SERPINB5: variants seen among roughly 807,000 people sequenced by gnomAD.
The protein encoded by SERPINB5 is serpin family B member 5.
SERPINB5 carries 27 observed loss-of-function variants against 32.2 expected under a neutral mutation model. The ratio of observed to expected loss-of-function variants is 0.84; its 90% CI spans 0.62 to 1.16. SERPINB5 has a LOEUF of 1.16. SERPINB5 is among the 50% of genes most tolerant of loss of function. The pLI is 0.00. For missense variants in SERPINB5, 388 were observed against 436.3 expected, an observed-to-expected ratio of 0.89 and a Z score of 0.99; for synonymous variants, 154 against 157.4, an observed-to-expected ratio of 0.98 and a Z score of 0.16.
At chr18:63,499,032 TGTGC>T (rs1166218483) in intron 5 of SERPINB5, 84 bp from the exon 6 acceptor site, 5 of 531,596 alleles carry the variant, frequency 9.4e-6, no homozygotes, top group African/African-American at 2.2e-5. Context: ...TGTGTGTGTG[TGTGC>T]GCGCGTGTGT....
At chr18:63,497,240 C>A in intron 5 of SERPINB5, 1 of 837,658 alleles carries the variant, frequency 1.2e-6, no homozygotes, top group Non-Finnish European at 2.0e-6. Context: ...GGTTCAGGGG[C>A]TAGCATTGGA....
At chr18:63,477,968 G>A (rs368243068) in intron 1 of SERPINB5, among the ~76,000 whole-genome samples, 5 of 152,232 alleles carry the variant, frequency 3.3e-5, no homozygotes, top group African/African-American at 1.2e-4. Context: ...CTTGCAGCTC[G>A]GGATGTTTCC....
chr18:63,499,336 A>C, intron 6 of SERPINB5, 49 bp downstream of exon 6: 5 of 1,416,988 alleles, frequency 3.5e-6, no homozygotes, highest in Non-Finnish European at 4.7e-6. Flanking sequence ...TGCCTTGGCA[A>C]AGAGTTGTGC....
intron 5 of SERPINB5, among the ~76,000 whole-genome samples, chr18:63,495,345 T>C (rs952607628): frequency 1.3e-4 from 19 of 149,318 alleles, no homozygotes; most frequent in African/African-American, 4.4e-4. Context: ...TTACCCAGCC[T>C]CTACTGTGAG....
At chr18:63,500,059 G>A (rs933456204) in intron 6 of SERPINB5, among the ~76,000 whole-genome samples, 1 of 151,780 alleles carries the variant, frequency 6.6e-6, no homozygotes, top group Non-Finnish European at 1.5e-5. Context: ...CATTGCCCAG[G>A]CTGGAGTGCA....
At chr18:63,492,595 G>A (rs375534209) in intron 4 of SERPINB5, among the ~76,000 whole-genome samples, 1 of 152,150 alleles carries the variant, frequency 6.6e-6, no homozygotes, top group South Asian at 2.1e-4. Context: ...ACTTATCATC[G>A]CTGAGTCTCA....
At chr18:63,486,117 A>G (rs571080803) in intron 2 of SERPINB5, 2 of 152,330 alleles carry the variant, frequency 1.3e-5, no homozygotes, top group South Asian at 4.1e-4. Flanking sequence ...TTGAATCCAT[A>G]TAATATTTTA....
intron 5 of SERPINB5, among the ~76,000 whole-genome samples, chr18:63,494,321 C>CAAAAAAAA (rs372412366): frequency 4.3e-5 from 2 of 46,674 alleles, no homozygotes; most frequent in Non-Finnish European, 7.7e-5. Flanking sequence ...GACTCCATCT[C>CAAAAAAAA]AAAAAAAAAA....
rs1445164863 is a variant in SERPINB5 at position 63,503,806 on chromosome 18, A to G, written c.*84A>G. 2.1e-6 allele frequency: 3 copies of G among 1,395,610 alleles called. No individual in the cohort carries two copies. Among genetic ancestry groups the G allele is most frequent in the African/African-American group, 2.9e-5 (2 of 69,180 alleles). 86.5% of individuals were successfully genotyped at this position (1,395,610 alleles called of 1,614,324 possible). A position where few individuals can be genotyped will look rare whatever the true frequency, so the allele number is the denominator to read the frequency against. ...CTCTGCATCCAGAGATTCATTTTCT[A>G]GATACAATAAATTGCTAATGTTGCT... On this transcript the variant is annotated 3_prime_UTR_variant, in exon 7 of 7. Transcript: ENST00000382771.
intron 1 of SERPINB5, among the ~76,000 whole-genome samples, chr18:63,479,091 A>C (rs1599385927): frequency 1.3e-5 from 2 of 152,198 alleles, no homozygotes; most frequent in Admixed American, 1.3e-4. Context: ...TGAAAAAACT[A>C]TACTCATAGC....
Position 63,503,616 on chromosome 18 carries a change from T to C in SERPINB5, c.1022T>C (p.Ile341Thr). The C allele has an allele frequency of 6.2e-7, 1 of 1,614,208 alleles. No individual in the cohort carries two copies. Among genetic ancestry groups the C allele is most frequent in the East Asian group, 2.2e-5 (1 of 44,880 alleles). Residue 341 changes from isoleucine to threonine, a missense_variant, in exon 7 of 7, where the codon ATC (isoleucine) becomes ACC (threonine). Ile to Thr is a moderately conservative substitution (Grantham distance 89, BLOSUM62 -1). Coordinates refer to ENST00000382771, the MANE Select transcript of SERPINB5 (RefSeq NM_002639.5). ...GDSIEVPGAR[I>T]LQHKDELNAD... The stretch of plus-strand genomic sequence containing the variant: ...TCCATAGAGGTGCCAGGAGCACGGA[T>C]CCTGCAGCACAAGGATGAATTGAAT...
At chr18:63,500,970 C>T (rs1183067313) in intron 6 of SERPINB5, among the ~76,000 whole-genome samples, 7 of 151,826 alleles carry the variant, frequency 4.6e-5, no homozygotes, top group Admixed American at 6.6e-5. Context: ...TTTTACCTTT[C>T]GTTCTTAAAA....
chr18:63,502,684 A>C (rs1272758934), intron 6 of SERPINB5, among the ~76,000 whole-genome samples: 1 of 152,204 alleles, frequency 6.6e-6, no homozygotes, highest in Non-Finnish European at 1.5e-5. Flanking sequence ...ACTATTGTGT[A>C]TGCAACATCA....
At chr18:63,502,465 A>G (rs560238272) in intron 6 of SERPINB5, among the ~76,000 whole-genome samples, 2 of 152,226 alleles carry the variant, frequency 1.3e-5, no homozygotes, top group Admixed American at 1.3e-4. Context: ...AACAGCTAAA[A>G]TGGATGCATT....
At chr18:63,480,904 G>A (rs60398391) in intron 1 of SERPINB5, among the ~76,000 whole-genome samples, 6,170 of 152,266 alleles carry the variant, frequency 0.041, 363 homozygotes, top group East Asian at 0.13. Flanking sequence ...ACTAAGGGCT[G>A]TATGACCTTC....
At chr18:63,494,465 G>A (rs142509779) in intron 5 of SERPINB5, among the ~76,000 whole-genome samples, 15 of 152,254 alleles carry the variant, frequency 9.9e-5, no homozygotes, top group African/African-American at 3.4e-4. Context: ...CCGTGGGTGG[G>A]ATCTGACTTG....
At position 63,493,250 on chromosome 18, in the gene SERPINB5, A is replaced by G. The variant is rs759703944; in HGVS notation, c.567+155A>G. The G allele has an allele frequency of 3.3e-6, 3 of 922,162 alleles. No homozygotes were observed. In the African/African-American group the frequency reaches 5.0e-5, roughly 15 times the overall value. The allele number at this position is 922,162 out of a possible 1,614,324, so 57.1% of individuals were successfully genotyped here. A position where few individuals can be genotyped will look rare whatever the true frequency, so the allele number is the denominator to read the frequency against. ...GATGAACAGCTGGAAGGTAAGTGGT[A>G]CAAAAAGAGCCAGAATCCAGAGGCC... On this transcript the variant is annotated intron_variant, in intron 5 of 6. Transcript: ENST00000382771.
chr18:63,492,996 G>C lies in SERPINB5; in HGVS notation c.468G>C (p.Gln156His), dbSNP rs534373884. Residue 156 changes from glutamine to histidine, a missense_variant, in exon 5 of 7, where the codon CAG (glutamine) becomes CAC (histidine). Coordinates refer to ENST00000382771, the MANE Select transcript of SERPINB5 (RefSeq NM_002639.5). ...NILADNSVND[Q>H]TKILVVNAAY... ...TAGCTGACAACAGTGTGAACGACCA[G>C]ACCAAAATCCTTGTGGTTAATGCTG... 1 of 1,614,218 alleles carries C rather than the reference G, an allele frequency of 6.2e-7. No homozygotes were observed. Among genetic ancestry groups the C allele is most frequent in the East Asian group, 2.2e-5 (1 of 44,890 alleles).
At chr18:63,500,985 C>T (rs1008883845) in intron 6 of SERPINB5, among the ~76,000 whole-genome samples, 5 of 151,408 alleles carry the variant, frequency 3.3e-5, no homozygotes, top group African/African-American at 4.9e-5. Flanking sequence ...TTAAAACGCC[C>T]TCCAATAAAC....
Sources: gnomAD v4.1 joint callset for allele counts (sites outside exome capture counted in the v4.1 genomes callset) on GRCh38, gnomAD v4.1.1 for gene constraint, MANE v1.5 for transcripts, NCBI Gene and HGNC (gene_info 2026-07-23, HGNC 2026-07-21) for gene names.